RBMS3: variants seen among roughly 807,000 people sequenced by gnomAD.
RBMS3 encodes RNA-binding motif, single-stranded-interacting protein 3.
In RBMS3, 27 loss-of-function variants were observed where a neutral mutation model predicts 66.8. That is an observed-to-expected ratio of 0.40 (90% CI 0.30 to 0.56). The LOEUF (loss-of-function observed/expected upper bound fraction) is 0.56. Among genes scored for constraint, RBMS3 ranks in the 20% least tolerant of loss-of-function variants. The probability of loss-of-function intolerance (pLI) is 0.40; values close to 1 mark genes in which losing one functional copy is unlikely to be tolerated. For missense variants in RBMS3, 513 were observed against 549.5 expected (o/e 0.93, Z 0.66); for synonymous variants, 188 against 183.0 (o/e 1.03, Z -0.22).
intron 6 of RBMS3, among the ~76,000 whole-genome samples, chr3:29,789,714 T>C (rs1021407455): frequency 8.5e-5 from 13 of 152,150 alleles, no homozygotes; most frequent in African/African-American, 3.1e-4. Context: ...CTTTTTTGCT[T>C]ATCTATTTTA....
intron 3 of RBMS3, among the ~76,000 whole-genome samples, chr3:29,521,162 A>G (rs1293196783): frequency 1.3e-5 from 2 of 152,038 alleles, no homozygotes; most frequent in African/African-American, 2.4e-5. Flanking sequence ...AAATTATAGT[A>G]AGTAGTTTCT....
intron 4 of RBMS3, among the ~76,000 whole-genome samples, chr3:29,693,813 A>C (rs1380086117): frequency 6.6e-6 from 1 of 152,186 alleles, no homozygotes; most frequent in East Asian, 1.9e-4. Flanking sequence ...ATCCTAAGAC[A>C]AAACTTTGAA....
chr3:29,448,526 T>A (rs1417756636), intron 2 of RBMS3, among the ~76,000 whole-genome samples: 2 of 152,236 alleles, frequency 1.3e-5, no homozygotes, highest in Non-Finnish European at 2.9e-5. Flanking sequence ...AACTTTACGC[T>A]AAATCTGTGG....
At chr3:29,517,619 G>A (rs1329765011) in intron 3 of RBMS3, among the ~76,000 whole-genome samples, 3 of 152,054 alleles carry the variant, frequency 2.0e-5, no homozygotes, top group Non-Finnish European at 4.4e-5. Context: ...CACCGCGCCC[G>A]GCCCTACATG....
At chr3:29,926,821 G>T (rs965898213) in intron 10 of RBMS3, 1 of 152,172 alleles carries the variant, frequency 6.6e-6, no homozygotes, top group Non-Finnish European at 1.5e-5. Flanking sequence ...AGTTGAAAAT[G>T]TGTTTGGAGG....
intron 1 of RBMS3, among the ~76,000 whole-genome samples, chr3:29,405,554 C>T (rs1487008566): frequency 6.6e-6 from 1 of 152,076 alleles, no homozygotes; most frequent in East Asian, 1.9e-4. Flanking sequence ...TTGCCACATA[C>T]GTGGCTGTAA....
intron 12 of RBMS3, among the ~76,000 whole-genome samples, chr3:29,981,566 T>G (rs1697998466): frequency 6.6e-6 from 1 of 152,182 alleles, no homozygotes; most frequent in Non-Finnish European, 1.5e-5. Flanking sequence ...GAGTGTAGGT[T>G]TGTCATAAAT....
chr3:29,388,180 T>G (rs951953100), intron 1 of RBMS3, among the ~76,000 whole-genome samples: 5 of 151,892 alleles, frequency 3.3e-5, no homozygotes, highest in African/African-American at 1.2e-4. Flanking sequence ...ACCCCTAGCT[T>G]TTCATATACC....
At chr3:29,502,416 G>GTTT (rs2044009405) in intron 3 of RBMS3, among the ~76,000 whole-genome samples, 2 of 152,048 alleles carry the variant, frequency 1.3e-5, no homozygotes, top group Non-Finnish European at 2.9e-5. Flanking sequence ...AAGACTAGAA[G>GTTT]TAAATGATCC....
intron 3 of RBMS3, among the ~76,000 whole-genome samples, chr3:29,509,045 TG>T (rs1218352291): frequency 6.0e-5 from 9 of 151,146 alleles, no homozygotes; most frequent in East Asian, 2.0e-4. Context: ...TTGATGGGGT[TG>T]GTTTTTTTTT....
At chr3:29,991,541 G>T (rs73829222) in intron 14 of RBMS3, 1 of 236,632 alleles carries the variant, frequency 4.2e-6, no homozygotes, top group Non-Finnish European at 8.2e-6. Flanking sequence ...GGAAGTCTCA[G>T]AATTTCAAGA....
At chr3:29,875,476 A>G (rs1413653445) in intron 7 of RBMS3, among the ~76,000 whole-genome samples, 1 of 152,160 alleles carries the variant, frequency 6.6e-6, no homozygotes, top group Non-Finnish European at 1.5e-5. Flanking sequence ...TTTAAACACC[A>G]CTAATAAAAG....
At position 29,582,149 on chromosome 3, in the gene RBMS3, TATAGATAG is replaced by T. The variant is rs3836342; in HGVS notation, c.308-4925_308-4918del. On this transcript the variant is annotated intron_variant, in intron 3 of 14. Coordinates refer to ENST00000383767, the MANE Select transcript of RBMS3 (RefSeq NM_001003793.3). Reference sequence around the variant, plus strand: ...ACTACTATTCTTTGTAGAATTCCATTATAGATAGATAGATAGATAGATAGATAGATAGA... The same window carrying T: ...ACTACTATTCTTTGTAGAATTCCATTATAGATAGATAGATAGATAGATAGA... 9.1e-3 allele frequency among the ~76,000 whole-genome samples: 1,319 copies of T among 144,758 alleles called. 14 individuals are homozygous for T. Among genetic ancestry groups the T allele is most frequent in the African/African-American group, 0.013 (516 of 38,596 alleles). The allele number at this position is 144,758 out of a possible 152,430, so 95.0% of individuals were successfully genotyped here.
At chr3:29,976,453 T>C (rs1046082843) in intron 12 of RBMS3, among the ~76,000 whole-genome samples, 5 of 152,104 alleles carry the variant, frequency 3.3e-5, no homozygotes, top group African/African-American at 4.8e-5. Context: ...AAAACTAATA[T>C]AAAGCATTAT....
chr3:29,432,629 A>G (rs1434713633), intron 1 of RBMS3, among the ~76,000 whole-genome samples: 1 of 152,202 alleles, frequency 6.6e-6, no homozygotes, highest in African/African-American at 2.4e-5. Flanking sequence ...ATACTCATGT[A>G]TGGTTTGACA....
At chr3:29,296,627 G>A (rs2033282685) in intron 1 of RBMS3, among the ~76,000 whole-genome samples, 1 of 151,762 alleles carries the variant, frequency 6.6e-6, no homozygotes, top group Non-Finnish European at 1.5e-5. Context: ...TATTTAATAT[G>A]TGATGCTGGG....
chr3:29,311,004 G>C (rs140602085), intron 1 of RBMS3, among the ~76,000 whole-genome samples: 2 of 151,852 alleles, frequency 1.3e-5, no homozygotes, highest in Non-Finnish European at 1.5e-5. Context: ...ATCTATCTCT[G>C]ATGTTTTATA....
chr3:29,481,762 T>C lies in RBMS3; in HGVS notation c.249-6679T>C, dbSNP rs1331076318. Among the ~76,000 whole-genome samples, 7 of 152,164 alleles carry C rather than the reference T, an allele frequency of 4.6e-5. No homozygotes were observed. The East Asian group carries it at 7.7e-4, about 17-fold the overall frequency. The stretch of plus-strand genomic sequence containing the variant: ...TGCTTCCTTGGGGCCTCTAGAAGCA[T>C]TGAACGGGGACATACTGGCTCTATC... On this transcript the variant is annotated intron_variant, in intron 2 of 14. Coordinates refer to ENST00000383767, the MANE Select transcript of RBMS3 (RefSeq NM_001003793.3).
chr3:29,918,104 A>G (rs1464295314), intron 10 of RBMS3, among the ~76,000 whole-genome samples: 1 of 152,112 alleles, frequency 6.6e-6, no homozygotes, highest in Non-Finnish European at 1.5e-5. Context: ...TGGGACAGGT[A>G]TGTTTCAATT....
Sources: gnomAD v4.1 joint callset for allele counts (sites outside exome capture counted in the v4.1 genomes callset) on GRCh38, gnomAD v4.1.1 for gene constraint, MANE v1.5 for transcripts, NCBI Gene and HGNC (gene_info 2026-07-23, HGNC 2026-07-21) for gene names.